The following ACACB variants were observed in gnomAD, a reference collection of about 807,000 sequenced individuals.
The protein encoded by ACACB is acetyl-CoA carboxylase 2.
A neutral mutation model predicts 278.8 loss-of-function variants in ACACB; 209 were observed. The ratio of observed to expected loss-of-function variants is 0.75; its 90% CI spans 0.67 to 0.84. The LOEUF (loss-of-function observed/expected upper bound fraction) is 0.84. Among genes scored for constraint, ACACB ranks in the 40% least tolerant of loss-of-function variants. The pLI is 0.00. For missense variants in ACACB, 2,850 were observed against 3,269.0 expected (o/e 0.87, Z 3.13); for synonymous variants, 1,174 against 1,285.6 (o/e 0.91, Z 1.86).
intron 12 of ACACB, 131 bp from the exon 13 acceptor site, chr12:109,187,868 C>G: frequency 1.1e-6 from 1 of 913,626 alleles, no homozygotes; most frequent in Non-Finnish European, 1.6e-6. Flanking sequence ...CAAGCGATAT[C>G]AGTGTTCTAT....
chr12:109,255,849 G>A (rs1233190320), intron 44 of ACACB, among the ~76,000 whole-genome samples: 2 of 152,258 alleles, frequency 1.3e-5, no homozygotes, highest in African/African-American at 4.8e-5. Flanking sequence ...AGAAGGCAGA[G>A]ACCATGATTA....
At chr12:109,255,543 G>A (rs55960723) in intron 44 of ACACB, among the ~76,000 whole-genome samples, 10,516 of 152,246 alleles carry the variant, frequency 0.069, 459 homozygotes, top group Non-Finnish European at 0.1. Flanking sequence ...CCTGGGTGCC[G>A]GGCCTCCCAT....
In ACACB at chr12:109,185,676, C is replaced by T. The variant is rs2136246889; in HGVS notation, c.1916C>T (p.Ser639Leu). The change falls in exon 12 of 53, where the codon TCA (serine) becomes TTA (leucine). Residue 639 changes from serine (S) to leucine (L), a missense_variant. Physicochemically the swap from Ser to Leu is moderately radical, Grantham distance 145 (BLOSUM62 -2). This residue lies in a region of ACACB where 2,265 missense variants were observed against 2,561.3 expected (regional missense o/e 0.88). Coordinates refer to ENST00000338432, the MANE Select transcript of ACACB (RefSeq NM_001093.4). ...GVTPISFETP[S>L]NPPLARGHVI... Reference sequence around the variant, plus strand: ...ACTCCCATTTCTTTTGAAACCCCCTCAAACCCTCCCCTCGCCCGAGGCCAC... The same window carrying T: ...ACTCCCATTTCTTTTGAAACCCCCTTAAACCCTCCCCTCGCCCGAGGCCAC... 1 of 1,613,994 alleles carries T rather than the reference C, an allele frequency of 6.2e-7. No homozygotes were observed. The highest frequency in any genetic ancestry group is 8.5e-7 in the Non-Finnish European group (1 of 1,179,952).
intron 2 of ACACB, among the ~76,000 whole-genome samples, chr12:109,166,593 C>T (rs932022528): frequency 1.5e-5 from 2 of 135,844 alleles, no homozygotes; most frequent in Admixed American, 8.5e-5. Context: ...GAGGCTGCAG[C>T]GAGCCACGAT....
intron 47 of ACACB, among the ~76,000 whole-genome samples, chr12:109,259,743 C>T (rs115473317): frequency 0.015 from 2,357 of 152,296 alleles, 59 homozygotes; most frequent in African/African-American, 0.054. Flanking sequence ...TTTGTCCACC[C>T]TTCCCTCTGC....
intron 22 of ACACB, 151 bp downstream of exon 22, chr12:109,213,087 C>T (rs576022892): frequency 2.0e-5 from 12 of 609,264 alleles, no homozygotes; most frequent in Non-Finnish European, 3.5e-5. Flanking sequence ...ACAGCAGAAC[C>T]CTGGGTGAGG....
intron 2 of ACACB, among the ~76,000 whole-genome samples, chr12:109,146,082 G>A (rs1000872702): frequency 6.6e-5 from 10 of 152,148 alleles, no homozygotes; most frequent in South Asian, 2.1e-4. Context: ...TCTTCTAACC[G>A]TTTGAGGTCC....
rs1477309746 is a variant in ACACB, at chr12:109,245,717, T to C, written c.5270T>C (p.Val1757Ala). ...GTGTTGGACTCTCAGGGCCAGCTGG[T>C]GGAGATGAACCGACTTCCTGGTGGA... ...ELVLDSQGQL[V>A]EMNRLPGGNE... The change falls in exon 38 of 53, where the codon GTG becomes GCG. Residue 1757 changes from valine to alanine, a missense_variant. Physicochemically the swap from Val to Ala is moderately conservative, Grantham distance 64. Coordinates refer to ENST00000338432, the MANE Select transcript of ACACB (RefSeq NM_001093.4). The C allele has an allele frequency of 6.2e-7, 1 of 1,613,924 alleles. No individual in the cohort carries two copies. Among genetic ancestry groups the C allele is most frequent in the African/African-American group, 1.3e-5 (1 of 74,868 alleles).
intron 24 of ACACB, among the ~76,000 whole-genome samples, chr12:109,219,274 A>G (rs2046094489): frequency 6.6e-6 from 1 of 152,182 alleles, no homozygotes; most frequent in Non-Finnish European, 1.5e-5. Flanking sequence ...GATCTCAGAG[A>G]ATAGTTAATA....
At position 109,185,616 on chromosome 12, in the gene ACACB, T is replaced by C. The variant is rs978350193; in HGVS notation, c.1856T>C (p.Ile619Thr). Residue 619 changes from isoleucine (I) to threonine (T), a missense_variant, in exon 12 of 53, where the codon ATC becomes ACC. Physicochemically the swap from Ile to Thr is moderately conservative, Grantham distance 89. Transcript: ENST00000338432. ...MGVPLHRLKD[I>T]RLLYGESPWG... ...GTGCCACTGCACCGGCTGAAGGATA[T>C]CCGGCTTCTGTATGGAGAGTCACCA... 6 of 1,614,016 alleles carry C rather than the reference T, an allele frequency of 3.7e-6. No individual in the cohort carries two copies. The highest frequency in any genetic ancestry group is 5.1e-6 in the Non-Finnish European group (6 of 1,179,996).
At chr12:109,149,683 T>C (rs920479603) in intron 2 of ACACB, among the ~76,000 whole-genome samples, 1 of 152,132 alleles carries the variant, frequency 6.6e-6, no homozygotes, top group East Asian at 1.9e-4. Context: ...AGGGATGAAA[T>C]GGTAGGTGGG....
intron 33 of ACACB, chr12:109,236,380 C>T (rs2046633449): frequency 6.6e-6 from 1 of 152,218 alleles, no homozygotes; most frequent in Non-Finnish European, 1.5e-5. Flanking sequence ...ACATTTTTTC[C>T]AAACTGTTTT....
intron 48 of ACACB, among the ~76,000 whole-genome samples, 189 bp from the exon 49 acceptor site, chr12:109,262,168 T>C (rs1168725873): frequency 1.3e-5 from 2 of 152,078 alleles, no homozygotes; most frequent in East Asian, 3.9e-4. Flanking sequence ...CATCTGTGGG[T>C]AAAGATACAG....
chr12:109,259,994 C>A, intron 47 of ACACB: 2 of 1,173,458 alleles, frequency 1.7e-6, no homozygotes, highest in Non-Finnish European at 2.3e-6. Context: ...AGGTAAGAGT[C>A]TGATGAGCTA....
chr12:109,192,059 G>A (rs2044912200), intron 15 of ACACB, 109 bp downstream of exon 15: 3 of 1,140,256 alleles, frequency 2.6e-6, no homozygotes. Context: ...GGCAATTGGT[G>A]AGTCTCTCCT....
At chr12:109,132,165 T>C (rs1383081286) in intron 1 of ACACB, among the ~76,000 whole-genome samples, 2 of 149,762 alleles carry the variant, frequency 1.3e-5, no homozygotes, top group African/African-American at 5.0e-5. Context: ...ATCCATTGGG[T>C]TGTTCCTTTT....
At chr12:109,189,611 A>G (rs2268399) in intron 13 of ACACB, among the ~76,000 whole-genome samples, 119,938 of 152,094 alleles carry the variant, frequency 0.79, 47,436 homozygotes, top group Middle Eastern at 0.87. Context: ...AATGGGGACC[A>G]CCCCAAGGAA....
chr12:109,158,836 G>C (rs969769507), intron 2 of ACACB, among the ~76,000 whole-genome samples: 2 of 151,924 alleles, frequency 1.3e-5, no homozygotes, highest in Admixed American at 1.3e-4. Context: ...TTAGCAGAGC[G>C]TGGTAGCACA....
Position 109,164,271 on chromosome 12 carries a change from C to T in ACACB, c.654-2590C>T, listed in dbSNP as rs555706806. ...TGTTTGAGATAGAGTCTCACTCTGT[C>T]GCCCAGGCTGGAGTCCAGTGGCGCG... On this transcript the variant is annotated intron_variant, in intron 2 of 52. Coordinates refer to ENST00000338432, the MANE Select transcript of ACACB (RefSeq NM_001093.4). Among the ~76,000 whole-genome samples the T allele has an allele frequency of 1.9e-3, 282 of 151,934 alleles. 4 individuals are homozygous for T. The highest frequency in any genetic ancestry group is 0.016 in the South Asian group (76 of 4,802).
Sources: gnomAD v4.1 joint callset for allele counts (sites outside exome capture counted in the v4.1 genomes callset) on GRCh38, gnomAD v4.1.1 for gene constraint, gnomAD v4.1.1 regional missense constraint, MANE v1.5 for transcripts, NCBI Gene and HGNC (gene_info 2026-07-23, HGNC 2026-07-21) for gene names.